ADAMTSL3: variants seen among roughly 807,000 people sequenced by gnomAD.
The protein encoded by ADAMTSL3 is ADAMTS like 3.
A neutral mutation model predicts 201.7 loss-of-function variants in ADAMTSL3; 128 were observed. The ratio of observed to expected loss-of-function variants is 0.63; its 90% CI spans 0.55 to 0.73. ADAMTSL3 has a LOEUF of 0.73. Among genes scored for constraint, ADAMTSL3 ranks in the 30% least tolerant of loss-of-function variants. ADAMTSL3 has a pLI of 0.00. For missense variants in ADAMTSL3, 1,990 were observed against 2,119.6 expected (o/e 0.94, Z 1.20); for synonymous variants, 738 against 748.4 (o/e 0.99, Z 0.23).
chr15:83,668,514 T>G (rs368191313), intron 2 of ADAMTSL3, among the ~76,000 whole-genome samples: 6 of 151,802 alleles, frequency 4.0e-5, no homozygotes, highest in African/African-American at 1.2e-4. Context: ...GTATGTGTGT[T>G]TGTGTTTCAG....
chr15:83,907,479 C>T (rs1380998991), intron 15 of ADAMTSL3, among the ~76,000 whole-genome samples: 1 of 152,200 alleles, frequency 6.6e-6, no homozygotes, highest in Non-Finnish European at 1.5e-5. Context: ...TCTCAGCTCA[C>T]TTCAACACCA....
intron 23 of ADAMTSL3, among the ~76,000 whole-genome samples, chr15:84,012,320 C>G (rs2068020317): frequency 6.6e-6 from 1 of 152,138 alleles, no homozygotes; most frequent in South Asian, 2.1e-4. Context: ...TGCTTCCAAG[C>G]TTCTTCAGGT....
At chr15:83,962,408 AC>A in intron 19 of ADAMTSL3, 1 of 152,334 alleles carries the variant, frequency 6.6e-6, no homozygotes, top group East Asian at 1.9e-4. Flanking sequence ...ATTAAAAATA[AC>A]TATCCAAATC....
Position 84,015,489 on chromosome 15 carries a change from T to C in ADAMTSL3, c.4156+765T>C, listed in dbSNP as rs568248595. On this transcript the variant is annotated intron_variant, in intron 24 of 29. Transcript: ENST00000286744. ...TGAGCGTTAATTCTTGTGATACTTA[T>C]GATAGCACAGTGTTGTGGGTGGTAT... 6.6e-5 allele frequency among the ~76,000 whole-genome samples: 10 copies of C among 152,304 alleles called. No homozygotes were observed. In the East Asian group the frequency reaches 1.7e-3, roughly 26 times the overall value.
intron 9 of ADAMTSL3, among the ~76,000 whole-genome samples, chr15:83,883,274 G>A (rs1366748274): frequency 6.6e-6 from 1 of 151,830 alleles, no homozygotes; most frequent in Non-Finnish European, 1.5e-5. Flanking sequence ...CCGGGTTCAA[G>A]CAATTCTCCT....
At chr15:83,767,848 A>G (rs939945691) in intron 3 of ADAMTSL3, among the ~76,000 whole-genome samples, 5 of 152,234 alleles carry the variant, frequency 3.3e-5, no homozygotes, top group African/African-American at 1.2e-4. Context: ...CTTACTTGGC[A>G]TTATGGTCGG....
At chr15:83,998,041 C>A (rs1438890999) in intron 23 of ADAMTSL3, among the ~76,000 whole-genome samples, 63 of 150,024 alleles carry the variant, frequency 4.2e-4, no homozygotes, top group African/African-American at 1.2e-3. Context: ...AAAAAAAAAA[C>A]AAAAAAACTC....
chr15:83,753,281 A>G (rs1019696717), intron 3 of ADAMTSL3, among the ~76,000 whole-genome samples: 3 of 152,028 alleles, frequency 2.0e-5, no homozygotes, highest in Non-Finnish European at 4.4e-5. Context: ...CAGCTTTTCA[A>G]TTTTTTTGTG....
rs6145659 is a variant in ADAMTSL3, at chr15:83,872,627, C to CACACACACACACACACAGAGAG, written c.960+1669_960+1670insCACACACACACACACAGAGAGA. Among the ~76,000 whole-genome samples, 671 of 140,928 alleles carry CACACACACACACACACAGAGAG rather than the reference C, an allele frequency of 4.8e-3. 10 individuals are homozygous for CACACACACACACACACAGAGAG. The highest frequency in any genetic ancestry group is 0.015 in the African/African-American group (522 of 35,884). The allele number at this position is 140,928 out of a possible 152,430, so 92.5% of individuals were successfully genotyped here. A position where few individuals can be genotyped will look rare whatever the true frequency, so the allele number is the denominator to read the frequency against. ...ACACACACACACACACACACACACA[C>CACACACACACACACACAGAGAG]AGAGTTTTTGTTCTCTTTTAATTAC... is the stretch of plus-strand genomic sequence containing the variant. On this transcript the variant is annotated intron_variant, in intron 9 of 29. Transcript: ENST00000286744.
intron 3 of ADAMTSL3, among the ~76,000 whole-genome samples, chr15:83,759,222 G>T (rs187821199): frequency 1.3e-5 from 2 of 149,860 alleles, no homozygotes; most frequent in East Asian, 3.9e-4. Context: ...TATCATTTTT[G>T]AATGACATTT....
intron 2 of ADAMTSL3, among the ~76,000 whole-genome samples, chr15:83,663,331 T>C (rs1030387): frequency 0.99 from 151,538 of 152,342 alleles, 75,371 homozygotes; most frequent in East Asian, 1. Flanking sequence ...TCGTTTTCTT[T>C]ATTTTCATTT....
intron 6 of ADAMTSL3, among the ~76,000 whole-genome samples, chr15:83,821,061 G>A (rs557062748): frequency 3.3e-5 from 5 of 151,772 alleles, no homozygotes; most frequent in East Asian, 3.9e-4. Context: ...GTGACAGAGC[G>A]AGACTGTCTC....
chr15:83,677,062 C>G (rs2061416310), intron 2 of ADAMTSL3, among the ~76,000 whole-genome samples: 1 of 152,148 alleles, frequency 6.6e-6, no homozygotes, highest in Non-Finnish European at 1.5e-5. Flanking sequence ...TATTTACTTT[C>G]CCAGTGTTTG....
At chr15:83,833,417 A>G (rs537510088) in intron 6 of ADAMTSL3, among the ~76,000 whole-genome samples, 1 of 152,250 alleles carries the variant, frequency 6.6e-6, no homozygotes, top group South Asian at 2.1e-4. Flanking sequence ...TACTAATCCT[A>G]TTCATGAGGT....
At chr15:83,886,321 T>C (rs2065390507) in intron 10 of ADAMTSL3, among the ~76,000 whole-genome samples, 2 of 152,164 alleles carry the variant, frequency 1.3e-5, no homozygotes, top group African/African-American at 4.8e-5. Flanking sequence ...TACCAGGCAG[T>C]GGTACTATGT....
intron 5 of ADAMTSL3, among the ~76,000 whole-genome samples, chr15:83,817,311 G>T (rs914944391): frequency 2.6e-5 from 4 of 152,022 alleles, no homozygotes; most frequent in Non-Finnish European, 5.9e-5. Context: ...ATCTATTTGT[G>T]GAAAAAGAAA....
At chr15:83,998,693 T>A (rs983555084) in intron 23 of ADAMTSL3, among the ~76,000 whole-genome samples, 3 of 152,204 alleles carry the variant, frequency 2.0e-5, no homozygotes, top group Admixed American at 2.0e-4. Context: ...TTTCTAGATG[T>A]CTGGATGCCA....
rs1425306022 is a variant in ADAMTSL3 at position 83,873,689 on chromosome 15, A to G, written c.960+2730A>G. ...CCACCATGGCTGGCCACATACTTTT[A>G]TTATAAAACTCATTTTCCTCATCAA... On this transcript the variant is annotated intron_variant, in intron 9 of 29. Transcript: ENST00000286744. Among the ~76,000 whole-genome samples, 3 of 145,488 alleles carry G rather than the reference A, an allele frequency of 2.1e-5. 1 individual carries two copies. The highest frequency in any genetic ancestry group is 4.5e-5 in the Non-Finnish European group (3 of 66,720).
chr15:83,908,402 C>G (rs1199687723), intron 15 of ADAMTSL3, among the ~76,000 whole-genome samples: 1 of 152,194 alleles, frequency 6.6e-6, no homozygotes. Context: ...TCTGATGTTA[C>G]TTTTTTATTT....
Sources: allele counts gnomAD v4.1 joint callset (sites outside exome capture counted in the v4.1 genomes callset), GRCh38; gene constraint gnomAD v4.1.1; transcripts MANE v1.5; gene names NCBI Gene and HGNC (gene_info 2026-07-23, HGNC 2026-07-21).